The following BHMT2 variants were observed in gnomAD, a reference collection of about 807,000 sequenced individuals.
BHMT2 encodes betaine--homocysteine S-methyltransferase 2.
Under a neutral mutation model 39.0 loss-of-function variants are expected in BHMT2, and 28 were observed. That is an observed-to-expected ratio of 0.72 (90% CI 0.53 to 0.98). BHMT2 has a LOEUF of 0.98. Ranked by LOEUF, BHMT2 falls within the 50% of genes least tolerant of loss-of-function variation. BHMT2 has a pLI of 0.00. For synonymous variants in BHMT2, 145 were observed against 160.6 expected (o/e 0.90, Z 0.74); for missense variants, 410 against 455.6 (o/e 0.90, Z 0.91).
At chr5:79,085,620 T>C (rs181557435) in intron 7 of BHMT2, among the ~76,000 whole-genome samples, 87 of 152,294 alleles carry the variant, frequency 5.7e-4, no homozygotes, top group African/African-American at 2.0e-3. Flanking sequence ...GGGTGGAGGT[T>C]GCAGTGAGCC....
At position 79,083,711 on chromosome 5, in the gene BHMT2, G is replaced by T; in HGVS notation, c.865G>T (p.Gly289Trp). 4.3e-6 allele frequency: 7 copies of T among 1,614,086 alleles called. No homozygotes were observed. Among genetic ancestry groups the T allele is most frequent in the Non-Finnish European group, 5.9e-6 (7 of 1,180,006 alleles). Reference sequence around the variant, plus strand: ...CAACCTGGGGGTCAGGTACATTGGCGGGTGCTGTGGATTTGAGCCCTACCA... The same window carrying T: ...CAACCTGGGGGTCAGGTACATTGGCTGGTGCTGTGGATTTGAGCCCTACCA... ...AYNLGVRYIG[G>W]CCGFEPYHIR... The change falls in exon 7 of 8, where the codon GGG (glycine) becomes TGG (tryptophan). Residue 289 changes from glycine (G) to tryptophan (W), a missense_variant. Physicochemically the swap from Gly to Trp is radical, Grantham distance 184. Transcript: ENST00000255192.
intron 7 of BHMT2, among the ~76,000 whole-genome samples, chr5:79,085,621 G>A (rs879714164): frequency 1.3e-5 from 2 of 152,190 alleles, no homozygotes; most frequent in Non-Finnish European, 2.9e-5. Flanking sequence ...GGTGGAGGTT[G>A]CAGTGAGCCA....
At position 79,089,278 on chromosome 5, in the gene BHMT2, C is replaced by G. The variant is rs1433335636; in HGVS notation, c.*704C>G. On this transcript the variant is annotated 3_prime_UTR_variant, in exon 8 of 8. Transcript: ENST00000255192. ...ACCAGCCTGACCAACATGGTGAAAC[C>G]CTGTCTCTACCAAAATACAAAAATT... 1 of 151,846 alleles carries G rather than the reference C, an allele frequency of 6.6e-6. No individual in the cohort carries two copies. Among genetic ancestry groups the G allele is most frequent in the Non-Finnish European group, 1.5e-5 (1 of 68,008 alleles). The allele number at this position is 151,846 out of a possible 1,614,324, so 9.4% of individuals were successfully genotyped here.
rs1157465635 is a variant in BHMT2 at position 79,077,503 on chromosome 5, TG to T, written c.61del (p.Glu21ArgfsTer3). 4 of 1,608,966 alleles carry T rather than the reference TG, an allele frequency of 2.5e-6. No homozygotes were observed. Among genetic ancestry groups the T allele is most frequent in the Non-Finnish European group, 3.4e-6 (4 of 1,178,924 alleles). ...KKGILERLES[G>X]EVVIGDGSFL... Reference sequence around the variant, plus strand: ...AGGGGATTTTGGAGCGCCTGGAGAGTGGGGAGGTTGTGATTGGAGATGGCAG... The same window carrying T: ...AGGGGATTTTGGAGCGCCTGGAGAGTGGGAGGTTGTGATTGGAGATGGCAG... On this transcript the variant is annotated frameshift_variant, in exon 2 of 8. Transcript: ENST00000255192. LOFTEE classifies it high-confidence loss of function.
At chr5:79,087,120 T>C (rs565718) in intron 7 of BHMT2, among the ~76,000 whole-genome samples, 60,863 of 149,380 alleles carry the variant, frequency 0.41, 14,755 homozygotes, top group East Asian at 0.61. Flanking sequence ...TGCTGTCTTC[T>C]CTCTGTTCAG....
intron 7 of BHMT2, among the ~76,000 whole-genome samples, chr5:79,088,254 G>A (rs1242538764): frequency 1.3e-5 from 2 of 152,038 alleles, no homozygotes; most frequent in East Asian, 3.8e-4. Flanking sequence ...GATTGTTATT[G>A]AAATGTAAGA....
At position 79,083,875 on chromosome 5, in the gene BHMT2, A is replaced by G; in HGVS notation, c.1010+19A>G. On this transcript the variant is annotated intron_variant, in intron 7 of 7. Coordinates refer to ENST00000255192, the MANE Select transcript of BHMT2 (RefSeq NM_017614.5). ...GAGCAAGGTAAGCATTTTTAAATTAACATTCTTATTATTTTCCTTTAATCT... is the reference window on the plus strand; with the variant it reads ...GAGCAAGGTAAGCATTTTTAAATTAGCATTCTTATTATTTTCCTTTAATCT... The G allele has an allele frequency of 1.3e-6, 2 of 1,593,166 alleles. No individual in the cohort carries two copies. The highest frequency in any genetic ancestry group is 1.7e-6 in the Non-Finnish European group (2 of 1,168,980).
At chr5:79,083,451 G>T in intron 6 of BHMT2, 77 bp downstream of exon 6, 1 of 1,510,042 alleles carries the variant, frequency 6.6e-7, no homozygotes, top group African/African-American at 1.4e-5. Context: ...TTGTGGCCCA[G>T]TTTTACAATA....
intron 6 of BHMT2, 45 bp from the exon 7 acceptor site, chr5:79,083,582 GA>G: frequency 6.3e-7 from 1 of 1,598,918 alleles, no homozygotes. Context: ...TCCATCATTT[GA>G]AAATGAGAAC....
chr5:79,085,608 T>TG (rs1240357170), intron 7 of BHMT2, among the ~76,000 whole-genome samples: 5 of 152,214 alleles, frequency 3.3e-5, no homozygotes, highest in African/African-American at 1.2e-4. Context: ...TTGAATTCAG[T>TG]GGGGTGGAGG....
chr5:79,074,040 C>G (rs964649316), intron 1 of BHMT2, among the ~76,000 whole-genome samples: 1 of 152,172 alleles, frequency 6.6e-6, no homozygotes, highest in Admixed American at 6.5e-5. Context: ...GCTGGAGCAG[C>G]CTCCTTCTCC....
At chr5:79,076,990 C>T (rs978467152) in intron 1 of BHMT2, among the ~76,000 whole-genome samples, 2 of 152,112 alleles carry the variant, frequency 1.3e-5, no homozygotes, top group African/African-American at 2.4e-5. Flanking sequence ...AGGGAGTGGG[C>T]GTCTATGTCA....
In BHMT2 at chr5:79,088,625, C is replaced by A; in HGVS notation, c.*51C>A. 6.7e-7 allele frequency: 1 copy of A among 1,491,346 alleles called. No individual in the cohort carries two copies. The highest frequency in any genetic ancestry group is 9.3e-7 in the Non-Finnish European group (1 of 1,073,252). 92.4% of individuals were successfully genotyped at this position (1,491,346 alleles called of 1,614,324 possible). The stretch of plus-strand genomic sequence containing the variant: ...TAATCGAACAGGAAAAAGTTGCCCT[C>A]AAGCCTGACCTGGAACCGTTCCTCA... On this transcript the variant is annotated 3_prime_UTR_variant, in exon 8 of 8. Transcript: ENST00000255192.
intron 7 of BHMT2, among the ~76,000 whole-genome samples, chr5:79,085,526 C>CA (rs1211559613): frequency 6.6e-6 from 1 of 152,136 alleles, no homozygotes; most frequent in Non-Finnish European, 1.5e-5. Context: ...ACTAAAAATA[C>CA]AAAAGTTAGC....
Position 79,077,668 on chromosome 5 carries a change from A to G in BHMT2, c.166+56A>G, listed in dbSNP as rs57027251. ...CTGAGTGGTATTTTATTTAAATCTG[A>G]TTGAGAGAAGATCAAGAAAAAAATA... On this transcript the variant is annotated intron_variant, in intron 2 of 7. Coordinates refer to ENST00000255192, the MANE Select transcript of BHMT2 (RefSeq NM_017614.5). The G allele has an allele frequency of 1.9e-3, 3,011 of 1,549,790 alleles. 51 individuals are homozygous for G. In the African/African-American group the frequency reaches 0.033, roughly 17 times the overall value.
intron 1 of BHMT2, among the ~76,000 whole-genome samples, chr5:79,070,310 T>A (rs534674049): frequency 6.6e-6 from 1 of 152,312 alleles, no homozygotes; most frequent in South Asian, 2.1e-4. Context: ...AGTCGCCGGC[T>A]GGTCTGAAAC....
chr5:79,075,567 C>T (rs531349473), intron 1 of BHMT2, among the ~76,000 whole-genome samples: 1 of 152,296 alleles, frequency 6.6e-6, no homozygotes, highest in South Asian at 2.1e-4. Flanking sequence ...CTGAAATGAA[C>T]TGGCCTATTA....
At chr5:79,084,061 C>G (rs1412330162) in intron 7 of BHMT2, among the ~76,000 whole-genome samples, 2 of 152,244 alleles carry the variant, frequency 1.3e-5, no homozygotes, top group Middle Eastern at 3.4e-3. Flanking sequence ...AACTGGGTGG[C>G]TTATACACAA....
Position 79,080,883 on chromosome 5 carries a change from G to A in BHMT2, c.450+5G>A, listed in dbSNP as rs1169240855. 6.4e-7 allele frequency: 1 copy of A among 1,568,606 alleles called. No individual in the cohort carries two copies. The highest frequency in any genetic ancestry group is 2.0e-5 in the Admixed American group (1 of 49,856). On this transcript the variant is annotated splice_donor_5th_base_variant and intron_variant, in intron 4 of 7. Coordinates refer to ENST00000255192, the MANE Select transcript of BHMT2 (RefSeq NM_017614.5). ...GTGGACTTCTTGATTGCAGAGGTGA[G>A]GCTAGTATTGGAGGAAAAGGATTGA... is the stretch of plus-strand genomic sequence containing the variant.
Sources: allele counts gnomAD v4.1 joint callset (sites outside exome capture counted in the v4.1 genomes callset), GRCh38; gene constraint gnomAD v4.1.1; transcripts MANE v1.5; gene names NCBI Gene and HGNC (gene_info 2026-07-23, HGNC 2026-07-21).